The following SDR42E1 variants were observed in gnomAD, a reference collection of about 807,000 sequenced individuals.
SDR42E1 encodes short-chain dehydrogenase/reductase family 42E member 1.
SDR42E1 carries 5 observed loss-of-function variants against 2.6 expected under a neutral mutation model. That is an observed-to-expected ratio of 1.94 (90% CI 1.01 to 4.08). The LOEUF (loss-of-function observed/expected upper bound fraction) is 4.08, where lower values mean the gene tolerates loss of function less well. Among genes scored for constraint, SDR42E1 ranks in the 30% most tolerant of loss-of-function variants. The probability of loss-of-function intolerance (pLI) is 0.00; values close to 1 mark genes in which losing one functional copy is unlikely to be tolerated. For synonymous variants in SDR42E1, 231 were observed against 188.3 expected (o/e 1.23, Z -1.86); for missense variants, 596 against 478.6 (o/e 1.25, Z -2.29).
intron 1 of SDR42E1, among the ~76,000 whole-genome samples, chr16:82,004,498 T>G (rs1912870844): frequency 1.3e-5 from 2 of 152,148 alleles, no homozygotes; most frequent in East Asian, 3.9e-4. Flanking sequence ...AAAGTTTGAA[T>G]CCCATTCTTT....
rs1455693941 is a variant in SDR42E1 at position 81,989,506 on chromosome 16, G to C, written c.*9605C>G. On this transcript the variant is annotated 3_prime_UTR_variant, in exon 3 of 3. Coordinates refer to ENST00000328945, the MANE Select transcript of SDR42E1 (RefSeq NM_145168.3). ...TACACAGAAGCACTCTGAATGTGTA[G>C]AAATAAAAGCTTGATGATTTTGGGT... The C allele has an allele frequency of 1.3e-5, 2 of 152,176 alleles. No individual in the cohort carries two copies. Among genetic ancestry groups the C allele is most frequent in the African/African-American group, 4.8e-5 (2 of 41,442 alleles). 9.4% of individuals were successfully genotyped at this position (152,176 alleles called of 1,614,324 possible).
At position 81,993,477 on chromosome 16, in the gene SDR42E1, G is replaced by A. The variant is rs540006916; in HGVS notation, c.*5634C>T. ...ATTCCCCTGCCCCCGTGCTTTTCTG[G>A]TTGTTACAGTGAAAGGACCGATTCC... On this transcript the variant is annotated 3_prime_UTR_variant, in exon 3 of 3. Coordinates refer to ENST00000328945, the MANE Select transcript of SDR42E1 (RefSeq NM_145168.3). The A allele has an allele frequency of 2.0e-5, 3 of 152,268 alleles. No individual in the cohort carries two copies. The East Asian group carries it at 5.8e-4, about 29-fold the overall frequency. 9.4% of individuals were successfully genotyped at this position (152,268 alleles called of 1,614,324 possible). A position where few individuals can be genotyped will look rare whatever the true frequency, so the allele number is the denominator to read the frequency against.
At chr16:82,004,799 A>T (rs901684515) in intron 1 of SDR42E1, among the ~76,000 whole-genome samples, 1 of 152,160 alleles carries the variant, frequency 6.6e-6, no homozygotes, top group African/African-American at 2.4e-5. Flanking sequence ...GGTAAGGGAG[A>T]TGTGGCTCTA....
chr16:82,010,599 A>G lies in SDR42E1; in HGVS notation c.-27+788T>C, dbSNP rs190064568. 1.7e-3 allele frequency among the ~76,000 whole-genome samples: 252 copies of G among 152,324 alleles called. 1 individual carries two copies. Among genetic ancestry groups the G allele is most frequent in the African/African-American group, 5.8e-3 (240 of 41,580 alleles). ...TTGCTTCCTTTGGAGAGGCTAATCA[A>G]ACTCAAAATAATGCAACCATTTGTC... On this transcript the variant is annotated intron_variant, in intron 1 of 2. Transcript: ENST00000328945.
In SDR42E1 at chr16:81,997,361, A is replaced by G. The variant is rs550562414; in HGVS notation, c.*1750T>C. ...GACCATCTCCCTCTTCTGGTATAAT[A>G]CGGAAATACCTTTGTGTATTTCCTT... is the stretch of plus-strand genomic sequence containing the variant. On this transcript the variant is annotated 3_prime_UTR_variant, in exon 3 of 3. Transcript: ENST00000328945. 1.3e-5 allele frequency: 2 copies of G among 152,292 alleles called. No homozygotes were observed. Among genetic ancestry groups the G allele is most frequent in the African/African-American group, 4.8e-5 (2 of 41,564 alleles). 9.4% of individuals were successfully genotyped at this position (152,292 alleles called of 1,614,324 possible).
In SDR42E1 at chr16:81,998,567, C is replaced by A; in HGVS notation, c.*544G>T. ...CCATGTGTTCACATAGGCATAATGCCCTGATATCATAAAGGGCAAAAGTTA... is the reference window on the plus strand; with the variant it reads ...CCATGTGTTCACATAGGCATAATGCACTGATATCATAAAGGGCAAAAGTTA... On this transcript the variant is annotated 3_prime_UTR_variant, in exon 3 of 3. Coordinates refer to ENST00000328945, the MANE Select transcript of SDR42E1 (RefSeq NM_145168.3). 6.4e-6 allele frequency: 1 copy of A among 155,568 alleles called. No homozygotes were observed. The highest frequency in any genetic ancestry group is 1.4e-5 in the Non-Finnish European group (1 of 70,246). The allele number at this position is 155,568 out of a possible 1,614,324, so 9.6% of individuals were successfully genotyped here.
intron 2 of SDR42E1, chr16:82,000,457 G>C (rs1402660287): frequency 3.0e-6 from 2 of 670,734 alleles, no homozygotes; most frequent in Admixed American, 4.5e-5. Flanking sequence ...TCAAAGAATG[G>C]TGGCATTTTT....
At position 81,999,075 on chromosome 16, in the gene SDR42E1, C is replaced by T. The variant is rs1286520705; in HGVS notation, c.*36G>A. 1 of 1,588,342 alleles carries T rather than the reference C, an allele frequency of 6.3e-7. No individual in the cohort carries two copies. Among genetic ancestry groups the T allele is most frequent in the Non-Finnish European group, 8.6e-7 (1 of 1,169,432 alleles). On this transcript the variant is annotated 3_prime_UTR_variant, in exon 3 of 3. Coordinates refer to ENST00000328945, the MANE Select transcript of SDR42E1 (RefSeq NM_145168.3). ...AACCCATGTTTCTTGAGAACCATCTCAGCCAACTGTGATCACCTTATTTCT... is the reference window on the plus strand; with the variant it reads ...AACCCATGTTTCTTGAGAACCATCTTAGCCAACTGTGATCACCTTATTTCT...
chr16:82,000,077 G>C lies in SDR42E1; in HGVS notation c.216C>G (p.Asp72Glu), dbSNP rs542985854. 1.2e-6 allele frequency: 2 copies of C among 1,614,202 alleles called. No individual in the cohort carries two copies. The highest frequency in any genetic ancestry group is 2.2e-5 in the East Asian group (1 of 44,890). The stretch of plus-strand genomic sequence containing the variant: ...AGGCAATATGGAACACACAAGTGAC[G>C]TCTGCATCCTGGAAGGCTTTCTCTA... ...SDVEKAFQDA[D>E]VTCVFHIASY... Residue 72 changes from aspartate (D) to glutamate (E), a missense_variant, in exon 3 of 3, where the codon GAC becomes GAG. Transcript: ENST00000328945.
intron 1 of SDR42E1, among the ~76,000 whole-genome samples, 168 bp from the exon 2 acceptor site, chr16:82,001,052 G>C (rs1306316822): frequency 6.6e-6 from 1 of 152,146 alleles, no homozygotes; most frequent in Non-Finnish European, 1.5e-5. Flanking sequence ...CAGTTCCTGG[G>C]CTTCAAATTT....
Position 81,995,770 on chromosome 16 carries a change from C to T in SDR42E1, c.*3341G>A, listed in dbSNP as rs1335041458. 6.6e-6 allele frequency: 1 copy of T among 152,198 alleles called. No homozygotes were observed. Among genetic ancestry groups the T allele is most frequent in the Non-Finnish European group, 1.5e-5 (1 of 68,050 alleles). The allele number at this position is 152,198 out of a possible 1,614,324, so 9.4% of individuals were successfully genotyped here. A position where few individuals can be genotyped will look rare whatever the true frequency, so the allele number is the denominator to read the frequency against. On this transcript the variant is annotated 3_prime_UTR_variant, in exon 3 of 3. Coordinates refer to ENST00000328945, the MANE Select transcript of SDR42E1 (RefSeq NM_145168.3). The stretch of plus-strand genomic sequence containing the variant: ...TGCACTGTGCCGGGCATTAGGAGTA[C>T]AGCTGTAAGCAAGACAAAGTTCCCA...
intron 1 of SDR42E1, among the ~76,000 whole-genome samples, chr16:82,008,435 G>C (rs1011294271): frequency 1.3e-5 from 2 of 152,336 alleles, no homozygotes; most frequent in East Asian, 1.9e-4. Context: ...ACTTCCTAGA[G>C]ACTTGTTGAA....
intron 1 of SDR42E1, among the ~76,000 whole-genome samples, chr16:82,001,788 G>C (rs1050324930): frequency 2.6e-5 from 4 of 151,770 alleles, no homozygotes; most frequent in South Asian, 2.1e-4. Flanking sequence ...TGTAGTCCCA[G>C]CTACTCGGGA....
At chr16:82,008,901 C>T (rs1213272780) in intron 1 of SDR42E1, among the ~76,000 whole-genome samples, 1 of 152,186 alleles carries the variant, frequency 6.6e-6, no homozygotes, top group Admixed American at 6.5e-5. Flanking sequence ...AAAATGGTTT[C>T]CTGGGCTGGG....
At chr16:82,001,997 C>A (rs921193882) in intron 1 of SDR42E1, among the ~76,000 whole-genome samples, 1 of 147,912 alleles carries the variant, frequency 6.8e-6, no homozygotes, top group Non-Finnish European at 1.5e-5. Context: ...CACACATATA[C>A]CTGTGCTCAA....
In SDR42E1 at chr16:81,993,421, T is replaced by C. The variant is rs1186982275; in HGVS notation, c.*5690A>G. On this transcript the variant is annotated 3_prime_UTR_variant, in exon 3 of 3. Transcript: ENST00000328945. ...TCTGTATATCGAGGTAAAATAGATG[T>C]AAGGAGTTCCTGAAATCATTGGTTC... The C allele has an allele frequency of 3.3e-5, 5 of 152,230 alleles. No individual in the cohort carries two copies. Among genetic ancestry groups the C allele is most frequent in the African/African-American group, 9.6e-5 (4 of 41,522 alleles). 9.4% of individuals were successfully genotyped at this position (152,230 alleles called of 1,614,324 possible). A position where few individuals can be genotyped will look rare whatever the true frequency, so the allele number is the denominator to read the frequency against.
rs927521421 is a variant in SDR42E1 at position 81,991,446 on chromosome 16, G to C, written c.*7665C>G. On this transcript the variant is annotated 3_prime_UTR_variant, in exon 3 of 3. Coordinates refer to ENST00000328945, the MANE Select transcript of SDR42E1 (RefSeq NM_145168.3). ...AAGGTAAGAGTTTGGGCCAGGCTCGGTGGCTCATACCTGTAATCCCAGCAC... is the reference window on the plus strand; with the variant it reads ...AAGGTAAGAGTTTGGGCCAGGCTCGCTGGCTCATACCTGTAATCCCAGCAC... The C allele has an allele frequency of 6.6e-6, 1 of 152,186 alleles. No individual in the cohort carries two copies. Among genetic ancestry groups the C allele is most frequent in the Non-Finnish European group, 1.5e-5 (1 of 68,060 alleles). 9.4% of individuals were successfully genotyped at this position (152,186 alleles called of 1,614,324 possible).
At chr16:82,005,757 G>A (rs1461169224) in intron 1 of SDR42E1, among the ~76,000 whole-genome samples, 2 of 152,176 alleles carry the variant, frequency 1.3e-5, no homozygotes, top group African/African-American at 2.4e-5. Flanking sequence ...CTCCCCTGGT[G>A]GGGAGGGCTA....
At chr16:82,000,939 C>A in intron 1 of SDR42E1, 55 bp from the exon 2 acceptor site, 2 of 1,281,150 alleles carry the variant, frequency 1.6e-6, no homozygotes, top group Non-Finnish European at 2.2e-6. Flanking sequence ...CGTCATTCTC[C>A]CTAATTTTGA....
Sources: allele counts gnomAD v4.1 joint callset (sites outside exome capture counted in the v4.1 genomes callset), GRCh38; gene constraint gnomAD v4.1.1; transcripts MANE v1.5; gene names NCBI Gene and HGNC (gene_info 2026-07-23, HGNC 2026-07-21).